The following OXR1 variants were observed in gnomAD, a reference collection of about 807,000 sequenced individuals.
OXR1 encodes the protein oxidation resistance protein 1.
Under a neutral mutation model 104.6 loss-of-function variants are expected in OXR1, and 41 were observed. That is an observed-to-expected ratio of 0.39 (90% CI 0.31 to 0.51). OXR1 has a LOEUF of 0.51. Ranked by LOEUF, OXR1 falls within the 20% of genes least tolerant of loss-of-function variation. The pLI is 0.77. For missense variants in OXR1, 955 were observed against 1,031.9 expected, an observed-to-expected ratio of 0.93 and a Z score of 1.02; for synonymous variants, 348 against 348.4, an observed-to-expected ratio of 1.00 and a Z score of 0.01.
intron 2 of OXR1, among the ~76,000 whole-genome samples, chr8:106,482,673 G>A (rs144188300): frequency 1.6e-3 from 249 of 152,058 alleles, no homozygotes; most frequent in African/African-American, 5.6e-3. Context: ...ATAGTTTGAT[G>A]AGCATCAGAT....
chr8:106,571,283 G>A (rs1817450558), intron 3 of OXR1, among the ~76,000 whole-genome samples: 2 of 152,034 alleles, frequency 1.3e-5, no homozygotes, highest in African/African-American at 4.8e-5. Context: ...GTGCCAGTGT[G>A]GTTGGGTTCT....
chr8:106,576,550 G>A (rs1563617260), intron 3 of OXR1, among the ~76,000 whole-genome samples: 1 of 150,160 alleles, frequency 6.7e-6, no homozygotes, highest in Non-Finnish European at 1.5e-5. Flanking sequence ...TGTTGTTGAA[G>A]ATTTTTATCC....
chr8:106,741,099 C>G (rs925009940), intron 14 of OXR1, among the ~76,000 whole-genome samples: 4 of 152,074 alleles, frequency 2.6e-5, no homozygotes, highest in Non-Finnish European at 5.9e-5. Flanking sequence ...GAGATTGATA[C>G]TGTTATCTTT....
chr8:106,645,546 T>C (rs1824006369), intron 3 of OXR1, among the ~76,000 whole-genome samples: 2 of 152,182 alleles, frequency 1.3e-5, no homozygotes, highest in African/African-American at 4.8e-5. Context: ...AGAGTAGATC[T>C]GCAACAGAAG....
At chr8:106,672,654 C>A (rs1827161043) in intron 3 of OXR1, among the ~76,000 whole-genome samples, 1 of 152,174 alleles carries the variant, frequency 6.6e-6, no homozygotes, top group Admixed American at 6.5e-5. Context: ...TGTGTCCCCA[C>A]TCAAATCTCA....
intron 6 of OXR1, among the ~76,000 whole-genome samples, chr8:106,686,487 T>A (rs565308716): frequency 4.6e-5 from 7 of 152,268 alleles, no homozygotes; most frequent in Non-Finnish European, 8.8e-5. Context: ...TTTCTATGAC[T>A]TTCTGCATAT....
intron 1 of OXR1, among the ~76,000 whole-genome samples, chr8:106,326,258 C>G (rs1814463934): frequency 6.6e-6 from 1 of 152,200 alleles, no homozygotes; most frequent in African/African-American, 2.4e-5. Flanking sequence ...AAGGATGTCC[C>G]TAGTGTGTTG....
intron 11 of OXR1, among the ~76,000 whole-genome samples, chr8:106,727,193 C>T (rs1164165663): frequency 2.0e-5 from 3 of 150,892 alleles, no homozygotes; most frequent in African/African-American, 2.4e-5. Context: ...CAGTTAACAC[C>T]GTTGTTTTTT....
chr8:106,539,957 T>C (rs1814825573), intron 3 of OXR1, among the ~76,000 whole-genome samples: 1 of 152,186 alleles, frequency 6.6e-6, no homozygotes, highest in Non-Finnish European at 1.5e-5. Flanking sequence ...GAAAAAATAA[T>C]ATTTATATAA....
chr8:106,652,262 A>G (rs1824645254), intron 3 of OXR1, among the ~76,000 whole-genome samples: 1 of 152,114 alleles, frequency 6.6e-6, no homozygotes, highest in African/African-American at 2.4e-5. Context: ...GAGCTTGGGT[A>G]GGAGCTTAAG....
intron 3 of OXR1, among the ~76,000 whole-genome samples, chr8:106,631,944 A>C (rs1030159760): frequency 1.1e-4 from 16 of 152,152 alleles, no homozygotes; most frequent in African/African-American, 3.9e-4. Flanking sequence ...ATAGTACAAA[A>C]AATATACTAA....
chr8:106,367,217 A>G (rs1391756536), intron 2 of OXR1, among the ~76,000 whole-genome samples: 1 of 151,930 alleles, frequency 6.6e-6, no homozygotes, highest in Non-Finnish European at 1.5e-5. Flanking sequence ...GCGTGCCACC[A>G]TGCCCGGCTA....
At chr8:106,484,786 CA>C (rs893568978) in intron 2 of OXR1, among the ~76,000 whole-genome samples, 8 of 150,172 alleles carry the variant, frequency 5.3e-5, no homozygotes, top group African/African-American at 1.2e-4. Context: ...AAAACAAAAA[CA>C]AAAAAAAACT....
intron 3 of OXR1, among the ~76,000 whole-genome samples, chr8:106,547,097 G>T (rs1815417930): frequency 6.6e-6 from 1 of 151,992 alleles, no homozygotes; most frequent in South Asian, 2.1e-4. Context: ...CACCATGTTG[G>T]CCAGGATGGT....
intron 2 of OXR1, among the ~76,000 whole-genome samples, chr8:106,517,937 G>A (rs759303599): frequency 2.0e-5 from 3 of 152,080 alleles, no homozygotes; most frequent in Non-Finnish European, 4.4e-5. Flanking sequence ...GAAGCTAATT[G>A]TGGGTTAATT....
At chr8:106,614,510 C>G (rs1432708827) in intron 3 of OXR1, among the ~76,000 whole-genome samples, 1 of 152,200 alleles carries the variant, frequency 6.6e-6, no homozygotes, top group East Asian at 1.9e-4. Context: ...AGCTTCTTAG[C>G]AGCCCACATC....
chr8:106,421,588 G>T (rs1358118839), intron 2 of OXR1, among the ~76,000 whole-genome samples: 3 of 152,110 alleles, frequency 2.0e-5, no homozygotes, highest in Non-Finnish European at 4.4e-5. Context: ...GAGACAACTG[G>T]TCTCCCTTCC....
chr8:106,520,515 T>C (rs1337328756), intron 3 of OXR1: 4 of 152,212 alleles, frequency 2.6e-5, no homozygotes, highest in East Asian at 3.8e-4. Context: ...CCTCTTCTTA[T>C]ATATTCATTC....
At chr8:106,406,089 A>G (rs1818225829) in intron 2 of OXR1, among the ~76,000 whole-genome samples, 1 of 152,122 alleles carries the variant, frequency 6.6e-6, no homozygotes, top group Non-Finnish European at 1.5e-5. Flanking sequence ...GCTAGAACAT[A>G]CTTGGGATTC....
Sources: gnomAD v4.1 joint callset for allele counts (sites outside exome capture counted in the v4.1 genomes callset) on GRCh38, gnomAD v4.1.1 for gene constraint, MANE v1.5 for transcripts, NCBI Gene and HGNC (gene_info 2026-07-23, HGNC 2026-07-21) for gene names.